Variants in DCAKD observed in about 807,000 individuals in gnomAD.
DCAKD encodes dephospho-CoA kinase domain-containing protein.
A neutral mutation model predicts 18.7 loss-of-function variants in DCAKD; 15 were observed. The observed-to-expected ratio is 0.80, with a 90% CI of 0.54 to 1.24. DCAKD has a LOEUF of 1.24. Ranked by LOEUF, DCAKD falls within the 50% of genes most tolerant of loss-of-function variation. The pLI, the probability that DCAKD is intolerant of heterozygous loss-of-function variation, is 0.00. For missense variants in DCAKD, 301 were observed against 322.0 expected (o/e 0.93, Z 0.50); for synonymous variants, 130 against 133.0 (o/e 0.98, Z 0.16).
chr17:45,024,331 GTGTGT>G lies in DCAKD; in HGVS notation c.*97_*101del. 4.5e-5 allele frequency: 1 copy of G among 22,104 alleles called. No individual in the cohort carries two copies. The allele number at this position is 22,104 out of a possible 1,614,324, so 1.4% of individuals were successfully genotyped here. A position where few individuals can be genotyped will look rare whatever the true frequency, so the allele number is the denominator to read the frequency against. ...TGTGTGTGTGTGTGTGTGTGTGTGTGTGTGTGTGGGGAGGGGGCTGAGAGGAAACA... is the reference window on the plus strand; with the variant it reads ...TGTGTGTGTGTGTGTGTGTGTGTGTGGTGGGGAGGGGGCTGAGAGGAAACA... On this transcript the variant is annotated 3_prime_UTR_variant, in exon 5 of 5. Transcript: ENST00000651974.
chr17:45,030,982 G>A (rs1192870676), intron 3 of DCAKD: 5 of 985,262 alleles, frequency 5.1e-6, no homozygotes, highest in African/African-American at 1.7e-5. Context: ...TGGGCTACAC[G>A]CTCCTCGTTC....
At position 45,059,218 on chromosome 17, in the gene DCAKD, C is replaced by T. The variant is rs545235545; in HGVS notation, c.-118+1670G>A. ...TCGCGCCACTGCAATCCAGCCTGGG[C>T]GACAGAGCAAGAGAGCGAGACTCCG... On this transcript the variant is annotated intron_variant, in intron 1 of 4. Coordinates refer to the DCAKD transcript ENST00000310604. Among the ~76,000 whole-genome samples the T allele has an allele frequency of 1.4e-4, 21 of 151,090 alleles. No individual in the cohort carries two copies. In the South Asian group the frequency reaches 4.0e-3, roughly 29 times the overall value.
intron 1 of DCAKD, among the ~76,000 whole-genome samples, chr17:45,036,212 GT>G (rs1341852842): frequency 6.6e-6 from 1 of 152,194 alleles, no homozygotes; most frequent in Non-Finnish European, 1.5e-5. Context: ...ATAAAATGAG[GT>G]TTAGGATCAT....
chr17:45,045,760 GAATT>G (rs150009708), intron 1 of DCAKD, among the ~76,000 whole-genome samples: 13,444 of 150,566 alleles, frequency 0.089, 682 homozygotes, highest in East Asian at 0.15. Flanking sequence ...GATACTTGTT[GAATT>G]AATACATAAA....
intron 4 of DCAKD, among the ~76,000 whole-genome samples, chr17:45,028,629 C>G (rs1219705123): frequency 2.0e-5 from 3 of 151,640 alleles, no homozygotes; most frequent in Non-Finnish European, 2.9e-5. Flanking sequence ...ATGCCGCTCT[C>G]GAACTCCTGA....
chr17:45,028,989 G>C (rs2053117315), intron 4 of DCAKD, among the ~76,000 whole-genome samples: 1 of 152,246 alleles, frequency 6.6e-6, no homozygotes, highest in Admixed American at 6.5e-5. Flanking sequence ...ACAGGCGTGA[G>C]CCACTGCACC....
chr17:45,054,305 T>C (rs948829918), upstream of DCAKD, among the ~76,000 whole-genome samples: 7 of 151,864 alleles, frequency 4.6e-5, 1 homozygote, highest in Middle Eastern at 0.01. Context: ...TGGAGTACAA[T>C]GGCGTGATCT....
chr17:45,026,427 C>T lies in DCAKD; in HGVS notation c.405-1703G>A, dbSNP rs144050499. On this transcript the variant is annotated intron_variant, in intron 4 of 4. Coordinates refer to ENST00000651974, the MANE Select transcript of DCAKD (RefSeq NM_001288655.2). ...ATTTTTAGTAGAGATGGGGTTTCAC[C>T]ATGTTAGCCAGGATGGTCTCGATCT... is the stretch of plus-strand genomic sequence containing the variant. 6.4e-3 allele frequency: 1,155 copies of T among 179,536 alleles called. 19 individuals carry two copies. The highest frequency in any genetic ancestry group is 0.026 in the African/African-American group (1,066 of 41,722). The allele number at this position is 179,536 out of a possible 1,614,324, so 11.1% of individuals were successfully genotyped here.
intron 4 of DCAKD, chr17:45,026,716 T>A: frequency 1.0e-6 from 1 of 985,380 alleles, no homozygotes; most frequent in Non-Finnish European, 1.2e-6. Flanking sequence ...AGCTATAGAT[T>A]TCCTCTGTTA....
chr17:45,040,548 A>G (rs1420025994), intron 1 of DCAKD, among the ~76,000 whole-genome samples: 1 of 152,172 alleles, frequency 6.6e-6, no homozygotes, highest in Non-Finnish European at 1.5e-5. Flanking sequence ...GAAGGAGCCA[A>G]TGCACTGTGC....
In DCAKD at chr17:45,039,776, T is replaced by G. The variant is rs571544197; in HGVS notation, c.-114-4777A>C. 4.6e-5 allele frequency among the ~76,000 whole-genome samples: 7 copies of G among 152,324 alleles called. No homozygotes were observed. The South Asian group carries it at 1.4e-3, about 32-fold the overall frequency. ...GGCTGAGAGTCACACTGGTGATTTC[T>G]TCCTCCCCTTCAGTGGTTCAGAGCT... On this transcript the variant is annotated intron_variant, in intron 1 of 4. Coordinates refer to ENST00000651974, the MANE Select transcript of DCAKD (RefSeq NM_001288655.2).
At chr17:45,033,986 C>T in intron 3 of DCAKD, 1 of 1,590,238 alleles carries the variant, frequency 6.3e-7, no homozygotes, top group South Asian at 1.1e-5. Flanking sequence ...ATTAAACTGT[C>T]AGCCTCCTTA....
chr17:45,039,841 C>T (rs571536965), intron 1 of DCAKD, among the ~76,000 whole-genome samples: 6 of 152,310 alleles, frequency 3.9e-5, no homozygotes, highest in African/African-American at 1.2e-4. Flanking sequence ...TGGGGCCAGG[C>T]GCAGTGGCTG....
At chr17:45,038,436 A>G (rs1184965856) in intron 1 of DCAKD, among the ~76,000 whole-genome samples, 1 of 152,198 alleles carries the variant, frequency 6.6e-6, no homozygotes, top group African/African-American at 2.4e-5. Flanking sequence ...AGCAGCTATT[A>G]TCAAAGGCTG....
intron 4 of DCAKD, among the ~76,000 whole-genome samples, chr17:45,028,833 C>T (rs887381037): frequency 2.6e-5 from 4 of 151,264 alleles, no homozygotes; most frequent in African/African-American, 7.3e-5. Flanking sequence ...GCCTCCCAAG[C>T]GGCTGAGATT....
chr17:45,059,096 C>T (rs969240552), intron 1 of DCAKD, among the ~76,000 whole-genome samples: 25 of 152,044 alleles, frequency 1.6e-4, no homozygotes, highest in Admixed American at 1.4e-3. Flanking sequence ...AAAAATTAGC[C>T]GGGTGAGGTG....
chr17:45,060,509 TAAAAAAG>T (rs1270933776), intron 1 of DCAKD, among the ~76,000 whole-genome samples: 2 of 151,160 alleles, frequency 1.3e-5, no homozygotes, highest in Non-Finnish European at 2.9e-5. Flanking sequence ...CGGCCGTATT[TAAAAAAG>T]AAAAAAGAAA....
intron 1 of DCAKD, among the ~76,000 whole-genome samples, chr17:45,038,787 C>T (rs998125364): frequency 5.3e-5 from 8 of 152,156 alleles, no homozygotes; most frequent in Admixed American, 2.6e-4. Flanking sequence ...GAAGGCCAAG[C>T]GGACAAAGGA....
upstream of DCAKD, among the ~76,000 whole-genome samples, chr17:45,052,466 G>A (rs1348745661): frequency 3.3e-5 from 5 of 152,146 alleles, no homozygotes; most frequent in African/African-American, 9.7e-5. Flanking sequence ...ACAAAGTCAT[G>A]TGATTGCAGA....
Sources: gnomAD v4.1 joint callset for allele counts (sites outside exome capture counted in the v4.1 genomes callset) on GRCh38, gnomAD v4.1.1 for gene constraint, MANE v1.5 for transcripts, NCBI Gene and HGNC (gene_info 2026-07-23, HGNC 2026-07-21) for gene names.